The following NCKAP5 variants were observed in gnomAD, a reference collection of about 807,000 sequenced individuals.
The protein encoded by NCKAP5 is NCK associated protein 5, also known as nck-associated protein 5.
Under a neutral mutation model 167.0 loss-of-function variants are expected in NCKAP5, and 92 were observed. The ratio of observed to expected loss-of-function variants is 0.55; its 90% CI spans 0.47 to 0.66. The LOEUF is 0.66. NCKAP5 is among the 30% of genes least tolerant of loss of function. NCKAP5 has a pLI of 0.00. For synonymous variants in NCKAP5, 891 were observed against 877.4 expected (o/e 1.02, Z -0.27); for missense variants, 2,378 against 2,315.0 (o/e 1.03, Z -0.56).
At position 133,330,053 on chromosome 2, in the gene NCKAP5, CTTT is replaced by C. The variant is rs1165568563; in HGVS notation, c.70-26946_70-26944del. Among the ~76,000 whole-genome samples, 517 of 85,556 alleles carry C rather than the reference CTTT, an allele frequency of 6.0e-3. 1 individual carries two copies. Among genetic ancestry groups the C allele is most frequent in the African/African-American group, 0.023 (493 of 21,328 alleles). 56.1% of individuals were successfully genotyped at this position (85,556 alleles called of 152,430 possible). On this transcript the variant is annotated intron_variant, in intron 3 of 19. Transcript: ENST00000409261. Reference sequence around the variant, plus strand: ...GGGAATGTGGCCAAGAAAGCAAGACCTTTTTTTTTTTTTTTTTTTTTTTTTTTT... The same window carrying C: ...GGGAATGTGGCCAAGAAAGCAAGACCTTTTTTTTTTTTTTTTTTTTTTTTT...
intron 3 of NCKAP5, among the ~76,000 whole-genome samples, chr2:133,465,017 T>A (rs1409013682): frequency 1.3e-5 from 2 of 151,522 alleles, no homozygotes; most frequent in African/African-American, 2.4e-5. Context: ...TTTTTTTTTT[T>A]ATTATTATAC....
At position 132,692,154 on chromosome 2, in the gene NCKAP5, A is replaced by T. The variant is rs867670101; in HGVS notation, c.5714-18849T>A. On this transcript the variant is annotated intron_variant, in intron 19 of 19. Transcript: ENST00000409261. Reference sequence around the variant, plus strand: ...ATTTTATTTTATTTTATTTTATTTTATTTTTTGAGACAGAGTCTCACTCTA... The same window carrying T: ...ATTTTATTTTATTTTATTTTATTTTTTTTTTTGAGACAGAGTCTCACTCTA... 9.9e-3 allele frequency among the ~76,000 whole-genome samples: 1,401 copies of T among 141,732 alleles called. 22 individuals are homozygous for T. The highest frequency in any genetic ancestry group is 0.038 in the African/African-American group (1,324 of 35,058). 93.0% of individuals were successfully genotyped at this position (141,732 alleles called of 152,430 possible).
chr2:133,660,718 A>G, the NCKAP5 span, among the ~76,000 whole-genome samples: 14 of 152,146 alleles, frequency 9.2e-5, no homozygotes, highest in Non-Finnish European at 2.1e-4. Context: ...CTCGATGCAC[A>G]TGTTCCCTTT....
In NCKAP5 at chr2:132,796,748, A is replaced by G. The variant is rs1228795132; in HGVS notation, c.808-19T>C. 1 of 1,500,634 alleles carries G rather than the reference A, an allele frequency of 6.7e-7. No individual in the cohort carries two copies. The allele number at this position is 1,500,634 out of a possible 1,614,324, so 93.0% of individuals were successfully genotyped here. Reference sequence around the variant, plus strand: ...GAAGTTTCTAGGTAAAACCAAGCAGAAACATTGAATAGCGATAATTTAATT... The same window carrying G: ...GAAGTTTCTAGGTAAAACCAAGCAGGAACATTGAATAGCGATAATTTAATT... On this transcript the variant is annotated intron_variant, in intron 11 of 19. Coordinates refer to ENST00000409261, the MANE Select transcript of NCKAP5 (RefSeq NM_207363.3).
At chr2:133,550,556 G>A (rs1441115038) in intron 2 of NCKAP5, among the ~76,000 whole-genome samples, 9 of 126,914 alleles carry the variant, frequency 7.1e-5, no homozygotes, top group African/African-American at 2.6e-4. Context: ...AACCCTTCAT[G>A]CTAAAAACTC....
At chr2:133,135,838 A>G (rs954379038) in intron 5 of NCKAP5, among the ~76,000 whole-genome samples, 3 of 152,142 alleles carry the variant, frequency 2.0e-5, no homozygotes, top group African/African-American at 7.2e-5. Context: ...CAAAAACTCA[A>G]AAGTCCTATA....
intron 16 of NCKAP5, among the ~76,000 whole-genome samples, chr2:132,755,372 T>A (rs925259873): frequency 6.6e-6 from 1 of 152,214 alleles, no homozygotes; most frequent in Non-Finnish European, 1.5e-5. Context: ...CAGGAACTTT[T>A]AAGACTAAGT....
At chr2:132,947,363 G>C (rs1379227587) in intron 8 of NCKAP5, among the ~76,000 whole-genome samples, 1 of 152,154 alleles carries the variant, frequency 6.6e-6, no homozygotes, top group Non-Finnish European at 1.5e-5. Context: ...TACTGATAGA[G>C]TAAATGGAAA....
chr2:133,186,458 T>C (rs113649324), intron 5 of NCKAP5, among the ~76,000 whole-genome samples: 77 of 152,280 alleles, frequency 5.1e-4, no homozygotes, highest in African/African-American at 1.8e-3. Context: ...ATCAGGATGA[T>C]GCTGGCTTCG....
chr2:133,633,975 A>T, the NCKAP5 span, among the ~76,000 whole-genome samples: 2 of 152,164 alleles, frequency 1.3e-5, 1 homozygote, highest in South Asian at 4.1e-4. Context: ...CAAAGAATCG[A>T]GTTTAATCCT....
intron 6 of NCKAP5, among the ~76,000 whole-genome samples, chr2:133,067,821 G>T (rs1282207007): frequency 6.6e-6 from 1 of 152,154 alleles, no homozygotes; most frequent in East Asian, 1.9e-4. Context: ...TTAACATGCA[G>T]GGAATTTATT....
intron 3 of NCKAP5, among the ~76,000 whole-genome samples, chr2:133,480,256 AGAGG>A: frequency 6.6e-6 from 1 of 152,244 alleles, no homozygotes; most frequent in Non-Finnish European, 1.5e-5. Context: ...TTGGATAAAT[AGAGG>A]ATGGTAGGGG....
intron 7 of NCKAP5, 65 bp from the exon 8 acceptor site, chr2:132,963,934 T>C: frequency 6.4e-7 from 1 of 1,570,560 alleles, no homozygotes; most frequent in South Asian, 1.1e-5. Context: ...AGTGTGAGGC[T>C]GAAAAGGCTG....
At chr2:132,826,980 A>G (rs933580942) in intron 11 of NCKAP5, among the ~76,000 whole-genome samples, 1 of 152,162 alleles carries the variant, frequency 6.6e-6, no homozygotes, top group Non-Finnish European at 1.5e-5. Flanking sequence ...TTAGAGGCAA[A>G]CTGACACTCT....
intron 3 of NCKAP5, among the ~76,000 whole-genome samples, chr2:133,362,046 G>A (rs1685144318): frequency 6.6e-6 from 1 of 152,086 alleles, no homozygotes; most frequent in African/African-American, 2.4e-5. Context: ...TCTAGAGTAT[G>A]CTGTGGCTTA....
chr2:132,711,649 T>C (rs558889294), intron 19 of NCKAP5, among the ~76,000 whole-genome samples: 1 of 152,334 alleles, frequency 6.6e-6, no homozygotes, highest in African/African-American at 2.4e-5. Context: ...ATGAGTATAG[T>C]CTTTATCCAT....
chr2:133,601,815 C>A, the NCKAP5 span, among the ~76,000 whole-genome samples: 8 of 152,010 alleles, frequency 5.3e-5, no homozygotes, highest in African/African-American at 1.9e-4. Flanking sequence ...TCCTAAGATA[C>A]GAATGTCCTA....
At chr2:132,752,071 T>C (rs1371566594) in intron 16 of NCKAP5, among the ~76,000 whole-genome samples, 4 of 152,256 alleles carry the variant, frequency 2.6e-5, no homozygotes, top group African/African-American at 4.8e-5. Flanking sequence ...CAACTCTCAC[T>C]GATTTTAGCA....
At chr2:132,676,296 T>C in intron 19 of NCKAP5, among the ~76,000 whole-genome samples, 1 of 135,308 alleles carries the variant, frequency 7.4e-6, no homozygotes, top group East Asian at 2.1e-4. Flanking sequence ...TTTTTTTTTT[T>C]TTTTTTTTTT....
Sources: allele counts gnomAD v4.1 joint callset (sites outside exome capture counted in the v4.1 genomes callset), GRCh38; gene constraint gnomAD v4.1.1; transcripts MANE v1.5; gene names NCBI Gene and HGNC (gene_info 2026-07-23, HGNC 2026-07-21).